The following CCDC171 variants were observed in gnomAD, a reference collection of about 807,000 sequenced individuals.
The protein encoded by CCDC171 is coiled-coil domain-containing protein 171.
CCDC171 carries 177 observed loss-of-function variants against 168.2 expected under a neutral mutation model. The ratio of observed to expected loss-of-function variants is 1.05; its 90% CI spans 0.93 to 1.19. The LOEUF (loss-of-function observed/expected upper bound fraction) is 1.19. CCDC171 is among the 50% of genes most tolerant of loss of function. The pLI, the probability that CCDC171 is intolerant of heterozygous loss-of-function variation, is 0.00. For synonymous variants in CCDC171, 687 were observed against 540.8 expected, an observed-to-expected ratio of 1.27 and a Z score of -3.75; for missense variants, 1,991 against 1,539.0, an observed-to-expected ratio of 1.29 and a Z score of -4.91.
At chr9:15,702,256 C>G (rs1463443470) in intron 11 of CCDC171, among the ~76,000 whole-genome samples, 2 of 152,084 alleles carry the variant, frequency 1.3e-5, no homozygotes, top group South Asian at 2.1e-4. Context: ...CAAGTTGAAG[C>G]CAGTGCTCAT....
chr9:15,898,030 C>T (rs1821133251), intron 24 of CCDC171, among the ~76,000 whole-genome samples: 1 of 152,114 alleles, frequency 6.6e-6, no homozygotes, highest in South Asian at 2.1e-4. Flanking sequence ...TGGAAGGCAG[C>T]TATAATCCTG....
At chr9:16,028,236 A>C (rs1395659907) in intron 6 of CCDC171, among the ~76,000 whole-genome samples, 1 of 152,156 alleles carries the variant, frequency 6.6e-6, no homozygotes, top group East Asian at 1.9e-4. Context: ...CCATGGAGCT[A>C]TTGGAAGCTT....
intron 23 of CCDC171, among the ~76,000 whole-genome samples, chr9:15,869,392 A>T (rs895037294): frequency 1.3e-5 from 2 of 151,876 alleles, no homozygotes; most frequent in Non-Finnish European, 2.9e-5. Flanking sequence ...TACATATCAG[A>T]GTCTTGGAAC....
chr9:15,983,480 T>TTG (rs56910418), intron 3 of CCDC171, among the ~76,000 whole-genome samples: 1,736 of 144,056 alleles, frequency 0.012, 34 homozygotes, highest in African/African-American at 0.034. Flanking sequence ...TTGTGATCAG[T>TTG]TGTGTGTGTG....
intron 21 of CCDC171, among the ~76,000 whole-genome samples, chr9:15,813,853 T>A (rs7857495): frequency 6.6e-6 from 1 of 151,760 alleles, no homozygotes. Context: ...TGCAGCCATG[T>A]TAGATCTAGT....
rs2042956678 is a variant in CCDC171, at chr9:15,602,779, T to C, written c.675+8607T>C. ...TTTAAGCGATTCTCCTGCCTCAGTC[T>C]CCTGAGTAGCTGGGATTACAGGCAC... On this transcript the variant is annotated intron_variant, in intron 6 of 25. Transcript: ENST00000380701. 2.7e-5 allele frequency among the ~76,000 whole-genome samples: 4 copies of C among 150,938 alleles called. No homozygotes were observed. In the South Asian group the frequency reaches 6.3e-4, roughly 24 times the overall value.
chr9:15,857,730 C>G (rs1359710275), intron 23 of CCDC171, among the ~76,000 whole-genome samples: 1 of 151,542 alleles, frequency 6.6e-6, no homozygotes, highest in Non-Finnish European at 1.5e-5. Context: ...GGCCCAGTTT[C>G]ATTCTTTAGC....
chr9:15,628,406 C>G (rs1219255956), intron 7 of CCDC171, among the ~76,000 whole-genome samples: 1 of 152,140 alleles, frequency 6.6e-6, no homozygotes, highest in Non-Finnish European at 1.5e-5. Context: ...GGTCCTGTGC[C>G]CATGGAGTCT....
At chr9:16,008,483 T>C (rs932974726) in intron 3 of CCDC171, among the ~76,000 whole-genome samples, 2 of 152,202 alleles carry the variant, frequency 1.3e-5, no homozygotes, top group African/African-American at 2.4e-5. Flanking sequence ...TCACCTTTCA[T>C]GCGTCCAGAA....
rs1010794316 is a variant in CCDC171, at chr9:15,791,904, A to G, written c.3267+7210A>G. ...CAGAGCAGAAAAGCTGAAAATTCTA[A>G]AAATCAGAGCACCTCTCCCCCTCCA... On this transcript the variant is annotated intron_variant, in intron 21 of 25. Coordinates refer to ENST00000380701, the MANE Select transcript of CCDC171 (RefSeq NM_173550.4). Among the ~76,000 whole-genome samples, 15 of 152,196 alleles carry G rather than the reference A, an allele frequency of 9.9e-5. 1 individual carries two copies. Among genetic ancestry groups the G allele is most frequent in the Admixed American group, 6.5e-4 (10 of 15,274 alleles).
At chr9:15,903,779 C>G (rs1307537864) in intron 24 of CCDC171, among the ~76,000 whole-genome samples, 1 of 152,100 alleles carries the variant, frequency 6.6e-6, no homozygotes, top group East Asian at 1.9e-4. Flanking sequence ...AAAACCTTGA[C>G]AAAAGATTAG....
intron 24 of CCDC171, among the ~76,000 whole-genome samples, chr9:15,898,571 T>C (rs1821214893): frequency 1.3e-5 from 2 of 152,194 alleles, no homozygotes; most frequent in Non-Finnish European, 2.9e-5. Flanking sequence ...ATCAGTATCA[T>C]TTAAACAAAA....
At chr9:15,821,450 C>A (rs545704777) in intron 21 of CCDC171, among the ~76,000 whole-genome samples, 1 of 117,144 alleles carries the variant, frequency 8.5e-6, no homozygotes, top group Non-Finnish European at 1.9e-5. Flanking sequence ...ATCGTCTCAG[C>A]CCAAAATCTC....
chr9:15,977,328 T>C (rs937127165), downstream of CCDC171, among the ~76,000 whole-genome samples: 3 of 152,186 alleles, frequency 2.0e-5, no homozygotes, highest in Non-Finnish European at 4.4e-5. Flanking sequence ...CCATGGACGT[T>C]GCGATGGGAA....
intron 21 of CCDC171, among the ~76,000 whole-genome samples, chr9:15,844,446 G>A (rs1465715388): frequency 6.6e-6 from 1 of 151,940 alleles, no homozygotes; most frequent in African/African-American, 2.4e-5. Flanking sequence ...TTGAATCACG[G>A]TTTATGTCTT....
chr9:15,927,633 C>G (rs1358131596), intron 25 of CCDC171, among the ~76,000 whole-genome samples: 1 of 151,500 alleles, frequency 6.6e-6, no homozygotes, highest in Non-Finnish European at 1.5e-5. Flanking sequence ...ATCTTTGCAT[C>G]ATTGTTCAGA....
chr9:15,971,778 A>G lies in CCDC171; in HGVS notation c.3923A>G (p.His1308Arg), dbSNP rs753605501. 6.2e-7 allele frequency: 1 copy of G among 1,613,612 alleles called. No homozygotes were observed. Among genetic ancestry groups the G allele is most frequent in the Non-Finnish European group, 8.5e-7 (1 of 1,179,808 alleles). Residue 1308 changes from histidine to arginine, a missense_variant, in exon 26 of 26, where the codon CAC (histidine) becomes CGC (arginine). By Grantham distance (29) the His-to-Arg change is conservative. Coordinates refer to ENST00000380701, the MANE Select transcript of CCDC171 (RefSeq NM_173550.4). Reference protein sequence around the residue: ...NTVPHALTSSHSSPVTMSANA... With the variant: ...NTVPHALTSSRSSPVTMSANA... ...GTGCCCCATGCTCTGACATCATCTC[A>G]CTCCTCTCCAGTGACTATGTCTGCT...
intron 3 of CCDC171, among the ~76,000 whole-genome samples, chr9:15,983,817 AGTGT>A (rs58951910): frequency 6.3e-4 from 90 of 142,634 alleles, no homozygotes; most frequent in East Asian, 2.6e-3. Flanking sequence ...AAATAAAGAG[AGTGT>A]GTGTGTGTGT....
At chr9:16,091,334 AT>A in the CCDC171 span, among the ~76,000 whole-genome samples, 1 of 152,230 alleles carries the variant, frequency 6.6e-6, no homozygotes, top group Admixed American at 6.5e-5. Context: ...GATAATTAGA[AT>A]TCTTCTTTCA....
Sources: gnomAD v4.1 joint callset for allele counts (sites outside exome capture counted in the v4.1 genomes callset) on GRCh38, gnomAD v4.1.1 for gene constraint, MANE v1.5 for transcripts, NCBI Gene and HGNC (gene_info 2026-07-23, HGNC 2026-07-21) for gene names.